The following CENPP variants were observed in gnomAD, a reference collection of about 807,000 sequenced individuals.
The protein encoded by CENPP is centromere protein P.
CENPP carries 24 observed loss-of-function variants against 35.6 expected under a neutral mutation model. That is an observed-to-expected ratio of 0.67 (90% CI 0.49 to 0.95). CENPP has a LOEUF of 0.95. Ranked by LOEUF, CENPP falls within the 40% of genes least tolerant of loss-of-function variation. The pLI is 0.00. For missense variants in CENPP, 332 were observed against 345.3 expected, an observed-to-expected ratio of 0.96 and a Z score of 0.31; for synonymous variants, 120 against 125.5, an observed-to-expected ratio of 0.96 and a Z score of 0.29.
intron 5 of CENPP, among the ~76,000 whole-genome samples, chr9:92,599,076 G>A (rs1850847186): frequency 6.6e-6 from 1 of 151,762 alleles, no homozygotes; most frequent in Admixed American, 6.6e-5. Context: ...CTCCAGCCTG[G>A]GATGGAGTGA....
At chr9:92,578,322 C>T (rs187878459) in intron 5 of CENPP, among the ~76,000 whole-genome samples, 1 of 152,076 alleles carries the variant, frequency 6.6e-6, no homozygotes, top group South Asian at 2.1e-4. Context: ...CCCAGTAATG[C>T]GATGGCTGGG....
At chr9:92,403,550 C>G in intron 5 of CENPP, 2 of 1,368,462 alleles carry the variant, frequency 1.5e-6, no homozygotes, top group African/African-American at 1.5e-5. Context: ...GCAGGGTGTG[C>G]GCAGTAAGGG....
chr9:92,549,133 G>T (rs541103032), intron 5 of CENPP, among the ~76,000 whole-genome samples: 7 of 152,284 alleles, frequency 4.6e-5, no homozygotes, highest in African/African-American at 1.7e-4. Context: ...AAGGAACTGC[G>T]GAGGGAGACA....
chr9:92,495,921 T>C (rs974292119), intron 5 of CENPP: 148 of 985,440 alleles, frequency 1.5e-4, no homozygotes, highest in Non-Finnish European at 1.7e-4. Flanking sequence ...GTTGTCATTA[T>C]GCTTCTTAAT....
At chr9:92,417,163 A>T (rs1843639102) in intron 5 of CENPP, 1 of 1,613,768 alleles carries the variant, frequency 6.2e-7, no homozygotes, top group African/African-American at 1.3e-5. Context: ...CACCATAATC[A>T]ATCTTTTGAG....
chr9:92,569,578 C>G (rs2131352306), intron 5 of CENPP, among the ~76,000 whole-genome samples: 1 of 152,216 alleles, frequency 6.6e-6, no homozygotes, highest in South Asian at 2.1e-4. Flanking sequence ...TTTTTGGTTC[C>G]ATATGAACTT....
intron 5 of CENPP, among the ~76,000 whole-genome samples, chr9:92,504,751 C>T (rs186861869): frequency 6.6e-6 from 1 of 152,240 alleles, no homozygotes; most frequent in East Asian, 1.9e-4. Context: ...GTTGCCCAGG[C>T]TACTCTCAAA....
At position 92,615,833 on chromosome 9, in the gene CENPP, T is replaced by G. The variant is rs780948436; in HGVS notation, c.*2684T>G. On this transcript the variant is annotated 3_prime_UTR_variant, in exon 8 of 8. Transcript: ENST00000375587. The stretch of plus-strand genomic sequence containing the variant: ...TTCAAAGACACTGCAGGGAAAGAGT[T>G]AGACCTTGTGGAGAACTAATGTGCA... 2 of 1,608,900 alleles carry G rather than the reference T, an allele frequency of 1.2e-6. No individual in the cohort carries two copies. The highest frequency in any genetic ancestry group is 1.7e-6 in the Non-Finnish European group (2 of 1,175,300).
At chr9:92,570,665 C>A (rs1444262909) in intron 5 of CENPP, among the ~76,000 whole-genome samples, 1 of 152,208 alleles carries the variant, frequency 6.6e-6, no homozygotes, top group Non-Finnish European at 1.5e-5. Context: ...ACCAGCTCCT[C>A]TTTGTACCTC....
At chr9:92,470,798 CATATT>C (rs753655881) in intron 5 of CENPP, 45 of 1,375,682 alleles carry the variant, frequency 3.3e-5, no homozygotes, top group East Asian at 2.3e-4. Flanking sequence ...AAGAAACAAA[CATATT>C]ATATAATAGA....
At chr9:92,387,110 C>G (rs1436246896) in intron 5 of CENPP, among the ~76,000 whole-genome samples, 1 of 148,670 alleles carries the variant, frequency 6.7e-6, no homozygotes, top group Non-Finnish European at 1.5e-5. Context: ...TGGTGGCTCA[C>G]GCCTGTAATC....
At chr9:92,560,385 T>C (rs974962578) in intron 5 of CENPP, among the ~76,000 whole-genome samples, 1 of 152,182 alleles carries the variant, frequency 6.6e-6, no homozygotes, top group Admixed American at 6.5e-5. Context: ...CCATCTAGTC[T>C]TGGGTATGAA....
chr9:92,466,688 C>G, intron 5 of CENPP: 1 of 934,152 alleles, frequency 1.1e-6, no homozygotes, highest in South Asian at 1.9e-5. Context: ...TGTACTAGAT[C>G]ACCCATGTAA....
chr9:92,408,296 C>G (rs1372343318), intron 5 of CENPP, among the ~76,000 whole-genome samples: 2 of 152,186 alleles, frequency 1.3e-5, no homozygotes, highest in African/African-American at 4.8e-5. Context: ...AGCAATTCTT[C>G]TGCCTCAGCC....
intron 5 of CENPP, among the ~76,000 whole-genome samples, chr9:92,498,521 T>C (rs1846489620): frequency 6.6e-6 from 1 of 152,032 alleles, no homozygotes; most frequent in Non-Finnish European, 1.5e-5. Context: ...TTACACAGTT[T>C]TGACTTTGGA....
At chr9:92,396,849 A>G (rs767999337) in intron 5 of CENPP, among the ~76,000 whole-genome samples, 1 of 151,860 alleles carries the variant, frequency 6.6e-6, no homozygotes, top group East Asian at 1.9e-4. Context: ...TTTTATATCT[A>G]TTTCTTTTAT....
At chr9:92,510,723 A>C (rs757159622) in intron 5 of CENPP, among the ~76,000 whole-genome samples, 2 of 152,254 alleles carry the variant, frequency 1.3e-5, no homozygotes, top group African/African-American at 2.4e-5. Context: ...GATCATATTC[A>C]AATTTCAACA....
chr9:92,502,503 A>G, intron 5 of CENPP: 8 of 1,611,392 alleles, frequency 5.0e-6, no homozygotes, highest in Non-Finnish European at 6.8e-6. Flanking sequence ...AAATTGTAGC[A>G]TGTACTTACT....
chr9:92,575,694 C>T (rs1460589704), intron 5 of CENPP, among the ~76,000 whole-genome samples: 2 of 152,206 alleles, frequency 1.3e-5, no homozygotes, highest in Middle Eastern at 3.4e-3. Context: ...CACCTGTAAT[C>T]CCAGCTACTT....
Sources: allele counts gnomAD v4.1 joint callset (sites outside exome capture counted in the v4.1 genomes callset), GRCh38; gene constraint gnomAD v4.1.1; transcripts MANE v1.5; gene names NCBI Gene and HGNC (gene_info 2026-07-23, HGNC 2026-07-21).